BARD1: variants seen among roughly 807,000 people sequenced by gnomAD.
BARD1 encodes the protein BRCA1-associated RING domain protein 1.
Under a neutral mutation model 77.0 loss-of-function variants are expected in BARD1, and 73 were observed. The observed-to-expected ratio is 0.95, with a 90% CI of 0.79 to 1.15. The LOEUF (loss-of-function observed/expected upper bound fraction) is 1.15. Among genes scored for constraint, BARD1 ranks in the 50% most tolerant of loss-of-function variants. The probability of loss-of-function intolerance (pLI) is 0.00; values close to 1 mark genes in which losing one functional copy is unlikely to be tolerated. For synonymous variants in BARD1, 384 were observed against 338.0 expected, an observed-to-expected ratio of 1.14 and a Z score of -1.49; for missense variants, 993 against 938.8, an observed-to-expected ratio of 1.06 and a Z score of -0.75.
chr2:214,757,385 T>C (rs1693742588), intron 6 of BARD1, among the ~76,000 whole-genome samples: 2 of 152,068 alleles, frequency 1.3e-5, no homozygotes, highest in Admixed American at 1.3e-4. Flanking sequence ...TTTAAAGATA[T>C]GACTGGAGAT....
intron 4 of BARD1, among the ~76,000 whole-genome samples, chr2:214,769,770 G>A (rs6435859): frequency 0.73 from 111,259 of 152,058 alleles, 42,202 homozygotes; most frequent in East Asian, 0.95. Flanking sequence ...GAAATTGTCT[G>A]CGTATAAATT....
intron 4 of BARD1, among the ~76,000 whole-genome samples, chr2:214,773,867 A>T (rs1181700554): frequency 2.0e-5 from 3 of 152,208 alleles, no homozygotes; most frequent in African/African-American, 2.4e-5. Flanking sequence ...GCTGTTTGGT[A>T]GCATTTTATC....
intron 1 of BARD1, among the ~76,000 whole-genome samples, chr2:214,800,154 G>A (rs887945037): frequency 2.0e-5 from 3 of 152,130 alleles, no homozygotes; most frequent in Non-Finnish European, 2.9e-5. Flanking sequence ...TTTAGCTATA[G>A]TTCTTAACCT....
chr2:214,758,785 T>A (rs533497993), intron 6 of BARD1, among the ~76,000 whole-genome samples: 2 of 152,208 alleles, frequency 1.3e-5, no homozygotes, highest in Non-Finnish European at 2.9e-5. Flanking sequence ...TTTAATATCC[T>A]TTTCCCCTCA....
At chr2:214,764,428 T>C (rs1694102135) in intron 6 of BARD1, among the ~76,000 whole-genome samples, 1 of 152,054 alleles carries the variant, frequency 6.6e-6, no homozygotes, top group African/African-American at 2.4e-5. Context: ...AATGAGAAAC[T>C]GGCTACCAAA....
Position 214,728,014 on chromosome 2 carries a change from C to T in BARD1, c.*662G>A, listed in dbSNP as rs1036648635. On this transcript the variant is annotated 3_prime_UTR_variant, in exon 11 of 11. Transcript: ENST00000260947. ...AAATGTACAGAATAAAAATATGTAC[C>T]ATGAGCCTAGTGTTGATTTTTACCA... 2 of 220,826 alleles carry T rather than the reference C, an allele frequency of 9.1e-6. No homozygotes were observed. Among genetic ancestry groups the T allele is most frequent in the Non-Finnish European group, 1.8e-5 (2 of 110,608 alleles). The allele number at this position is 220,826 out of a possible 1,614,324, so 13.7% of individuals were successfully genotyped here. A position where few individuals can be genotyped will look rare whatever the true frequency, so the allele number is the denominator to read the frequency against.
At chr2:214,801,219 C>T (rs997736738) in intron 1 of BARD1, among the ~76,000 whole-genome samples, 2 of 151,168 alleles carry the variant, frequency 1.3e-5, no homozygotes, top group African/African-American at 4.9e-5. Flanking sequence ...CTGCTTGTTA[C>T]AGCAAAAGAC....
At chr2:214,738,713 A>G (rs1455578481) in intron 9 of BARD1, among the ~76,000 whole-genome samples, 1 of 152,194 alleles carries the variant, frequency 6.6e-6, no homozygotes, top group Non-Finnish European at 1.5e-5. Context: ...AGAGAATACA[A>G]TGAAGATGGA....
chr2:214,796,282 T>C (rs1397972843), intron 2 of BARD1, among the ~76,000 whole-genome samples: 1 of 152,172 alleles, frequency 6.6e-6, no homozygotes, highest in African/African-American at 2.4e-5. Context: ...ATGCACTGAA[T>C]TGTGTCCCCC....
At chr2:214,765,503 C>T (rs577182949) in intron 6 of BARD1, among the ~76,000 whole-genome samples, 14 of 152,262 alleles carry the variant, frequency 9.2e-5, no homozygotes, top group Admixed American at 5.2e-4. Flanking sequence ...CTGCCTGAAG[C>T]TATACAGTCA....
chr2:214,797,616 T>C (rs1695819003), intron 1 of BARD1, among the ~76,000 whole-genome samples: 1 of 152,122 alleles, frequency 6.6e-6, no homozygotes, highest in Admixed American at 6.5e-5. Context: ...AAACCAGGAC[T>C]GCCCCAGACA....
In BARD1 at chr2:214,806,428, A is replaced by C. The variant is rs79685390; in HGVS notation, c.158+2984T>G. 1.4e-4 allele frequency among the ~76,000 whole-genome samples: 21 copies of C among 152,322 alleles called. No homozygotes were observed. The East Asian group carries it at 3.5e-3, about 25-fold the overall frequency. On this transcript the variant is annotated intron_variant, in intron 1 of 10. Coordinates refer to ENST00000260947, the MANE Select transcript of BARD1 (RefSeq NM_000465.4). ...CCATTCTGAGTTGCTCCTTGCCGGC[A>C]ATGTCAGGAGGCTACCAGGGCAAAG...
chr2:214,742,620 C>A (rs982442800), intron 9 of BARD1, among the ~76,000 whole-genome samples: 1 of 152,120 alleles, frequency 6.6e-6, no homozygotes, highest in Non-Finnish European at 1.5e-5. Context: ...AAATAGCACA[C>A]TATTAAGTTA....
intron 4 of BARD1, among the ~76,000 whole-genome samples, chr2:214,770,719 T>C (rs1253099612): frequency 1.3e-5 from 2 of 152,138 alleles, no homozygotes; most frequent in African/African-American, 4.8e-5. Context: ...TTTAAAGCTG[T>C]CTTGAAGTAA....
In BARD1 at chr2:214,728,885, G is replaced by A. The variant is rs1040231633; in HGVS notation, c.2125C>T (p.Pro709Ser). 25 of 1,614,176 alleles carry A rather than the reference G, an allele frequency of 1.5e-5. No individual in the cohort carries two copies. Among genetic ancestry groups the A allele is most frequent in the Non-Finnish European group, 2.1e-5 (25 of 1,180,026 alleles). The part of the protein sequence containing the change: ...GGQILSRKPK[P>S]DSDVTQTINT... ...ATGGTCTGAGTCACGTCACTGTCTG[G>A]CTTGGGCTTTCTACTGAGGATCTGG... The change falls in exon 11 of 11, where the codon CCA (proline) becomes TCA (serine). Residue 709 changes from proline to serine, a missense_variant. Pro to Ser is a moderately conservative substitution (Grantham distance 74). Transcript: ENST00000260947.
chr2:214,736,654 A>G (rs888076258), intron 9 of BARD1, among the ~76,000 whole-genome samples: 8 of 152,160 alleles, frequency 5.3e-5, no homozygotes, highest in African/African-American at 1.9e-4. Context: ...ACATGCTGGC[A>G]TTAGTCAATC....
Position 214,742,621 on chromosome 2 carries a change from T to C in BARD1, c.1903+2446A>G, listed in dbSNP as rs573115701. Among the ~76,000 whole-genome samples the C allele has an allele frequency of 5.3e-5, 8 of 152,310 alleles. No homozygotes were observed. The East Asian group carries it at 7.7e-4, about 15-fold the overall frequency. On this transcript the variant is annotated intron_variant, in intron 9 of 10. Transcript: ENST00000260947. ...CTGTCAGAATCACCAAATAGCACAC[T>C]ATTAAGTTAGTCCGAGTCCATCAGT... is the stretch of plus-strand genomic sequence containing the variant.
intron 3 of BARD1, among the ~76,000 whole-genome samples, chr2:214,790,935 G>A (rs888676548): frequency 2.6e-5 from 4 of 152,068 alleles, no homozygotes; most frequent in African/African-American, 9.7e-5. Flanking sequence ...ATCTATGTGG[G>A]GAGAGAAAGG....
intron 7 of BARD1, among the ~76,000 whole-genome samples, chr2:214,747,416 C>T (rs111280238): frequency 0.42 from 51,909 of 122,308 alleles, 11,385 homozygotes; most frequent in Middle Eastern, 0.51. Flanking sequence ...CGTATGTTTA[C>T]TGCGGCACTA....
Sources: allele counts gnomAD v4.1 joint callset (sites outside exome capture counted in the v4.1 genomes callset), GRCh38; gene constraint gnomAD v4.1.1; transcripts MANE v1.5; gene names NCBI Gene and HGNC (gene_info 2026-07-23, HGNC 2026-07-21).